Variants in PDE4D observed in about 807,000 individuals in gnomAD.
PDE4D encodes phosphodiesterase 4D.
In PDE4D, 24 loss-of-function variants were observed where a neutral mutation model predicts 87.4. The observed-to-expected ratio is 0.27, with a 90% CI of 0.20 to 0.39. The LOEUF is 0.39. Ranked by LOEUF, PDE4D falls within the 10% of genes least tolerant of loss-of-function variation. The pLI, the probability that PDE4D is intolerant of heterozygous loss-of-function variation, is 1.00. For synonymous variants in PDE4D, 384 were observed against 383.2 expected, an observed-to-expected ratio of 1.00 and a Z score of -0.02; for missense variants, 714 against 1,041.0, an observed-to-expected ratio of 0.69 and a Z score of 4.32.
intron 5 of PDE4D, among the ~76,000 whole-genome samples, chr5:59,094,758 A>T (rs1769382828): frequency 6.6e-6 from 1 of 152,198 alleles, no homozygotes; most frequent in African/African-American, 2.4e-5. Context: ...AGACAAAAAA[A>T]GGTTTAAACA....
chr5:59,819,208 GT>G (rs1386448694), intron 1 of PDE4D, among the ~76,000 whole-genome samples: 1 of 152,186 alleles, frequency 6.6e-6, no homozygotes, highest in Non-Finnish European at 1.5e-5. Context: ...AAGTGAAATT[GT>G]TTTGAATCTG....
intron 1 of PDE4D, chr5:60,188,528 GGAA>G (rs1358048755): frequency 5.9e-5 from 9 of 152,178 alleles, no homozygotes; most frequent in African/African-American, 2.2e-4. Context: ...GGGCAAAGGA[GGAA>G]GAAGTACATC....
intron 2 of PDE4D, among the ~76,000 whole-genome samples, chr5:60,174,517 T>C (rs890981187): frequency 8.6e-5 from 13 of 151,944 alleles, no homozygotes; most frequent in Admixed American, 7.2e-4. Flanking sequence ...TGGTCTTGAA[T>C]AGAAGAAACA....
At chr5:60,305,842 C>T (rs1437877867) in intron 1 of PDE4D, among the ~76,000 whole-genome samples, 1 of 151,810 alleles carries the variant, frequency 6.6e-6, no homozygotes, top group Non-Finnish European at 1.5e-5. Flanking sequence ...TACACACACA[C>T]ACATAGTTAT....
At chr5:59,527,204 T>C (rs887197338) in intron 1 of PDE4D, among the ~76,000 whole-genome samples, 1 of 152,206 alleles carries the variant, frequency 6.6e-6, no homozygotes, top group Non-Finnish European at 1.5e-5. Context: ...ATTTATCTTT[T>C]TCTGAGTATA....
chr5:59,423,318 A>G (rs939796629), intron 1 of PDE4D, among the ~76,000 whole-genome samples: 4 of 152,198 alleles, frequency 2.6e-5, no homozygotes, highest in African/African-American at 9.7e-5. Context: ...CCTTTTGAGC[A>G]GTTCTCACAA....
At chr5:59,808,357 T>C (rs1767971683) in intron 1 of PDE4D, among the ~76,000 whole-genome samples, 1 of 152,214 alleles carries the variant, frequency 6.6e-6, no homozygotes, top group South Asian at 2.1e-4. Context: ...TGACCCAATA[T>C]CTATTTTCTT....
intron 1 of PDE4D, among the ~76,000 whole-genome samples, chr5:59,309,522 C>A (rs1772144068): frequency 6.6e-6 from 1 of 152,164 alleles, no homozygotes; most frequent in Non-Finnish European, 1.5e-5. Flanking sequence ...TGCAAACAGA[C>A]CTTCAGCTTC....
intron 1 of PDE4D, among the ~76,000 whole-genome samples, chr5:59,260,545 T>A (rs559559859): frequency 2.6e-5 from 4 of 151,978 alleles, no homozygotes; most frequent in African/African-American, 9.6e-5. Context: ...TCCATCTTAT[T>A]GAAGTAAGTT....
chr5:60,158,905 T>C (rs184559867), intron 2 of PDE4D, among the ~76,000 whole-genome samples: 26 of 152,320 alleles, frequency 1.7e-4, no homozygotes, highest in African/African-American at 5.8e-4. Context: ...TTTTCTTTCT[T>C]CAATAATAAC....
chr5:60,518,150 T>G (rs152324), intron 1 of PDE4D, among the ~76,000 whole-genome samples: 111,253 of 152,218 alleles, frequency 0.73, 41,646 homozygotes, highest in African/African-American at 0.9. Context: ...CTGCCCTGCT[T>G]CAGCTGGCAT....
chr5:60,156,810 A>AT (rs535202681), intron 2 of PDE4D, among the ~76,000 whole-genome samples: 3 of 152,072 alleles, frequency 2.0e-5, no homozygotes, highest in East Asian at 3.9e-4. Flanking sequence ...TTTCATTAGC[A>AT]TTTTTTTCAT....
chr5:60,068,934 G>T (rs1015378397), intron 2 of PDE4D, among the ~76,000 whole-genome samples: 4 of 152,106 alleles, frequency 2.6e-5, no homozygotes, highest in African/African-American at 7.2e-5. Flanking sequence ...TGAAACCATT[G>T]CCAAGACCAA....
At chr5:59,571,194 A>G (rs1821788927) in intron 1 of PDE4D, among the ~76,000 whole-genome samples, 1 of 152,244 alleles carries the variant, frequency 6.6e-6, no homozygotes, top group African/African-American at 2.4e-5. Flanking sequence ...CGTAAAGCAC[A>G]TTTGCAATAG....
At chr5:59,390,755 G>A (rs753743119) in intron 1 of PDE4D, among the ~76,000 whole-genome samples, 4 of 151,852 alleles carry the variant, frequency 2.6e-5, no homozygotes, top group Admixed American at 6.6e-5. Context: ...TTTAAGAGGC[G>A]GCAAATAACA....
chr5:59,274,059 C>T (rs1206419983), intron 1 of PDE4D, among the ~76,000 whole-genome samples: 2 of 151,930 alleles, frequency 1.3e-5, no homozygotes, highest in Non-Finnish European at 2.9e-5. Flanking sequence ...TCTGTTTACT[C>T]ATGTTGGTGA....
At chr5:60,425,708 C>T (rs945678164) in intron 1 of PDE4D, among the ~76,000 whole-genome samples, 9 of 152,282 alleles carry the variant, frequency 5.9e-5, no homozygotes, top group South Asian at 2.1e-4. Flanking sequence ...TAAAGAGCTT[C>T]GGCATGGCAA....
chr5:60,230,470 G>A (rs1028269285), intron 1 of PDE4D, among the ~76,000 whole-genome samples: 35 of 152,118 alleles, frequency 2.3e-4, no homozygotes, highest in African/African-American at 5.8e-4. Flanking sequence ...CCCATATCCC[G>A]AGTGGGTGAA....
intron 1 of PDE4D, among the ~76,000 whole-genome samples, chr5:60,517,225 G>A (rs757179099): frequency 2.6e-5 from 4 of 152,244 alleles, no homozygotes; most frequent in African/African-American, 4.8e-5. Context: ...AAGGAGCATG[G>A]GAGGGGGGCC....
Sources: gnomAD v4.1 joint callset for allele counts (sites outside exome capture counted in the v4.1 genomes callset) on GRCh38, gnomAD v4.1.1 for gene constraint, MANE v1.5 for transcripts, NCBI Gene and HGNC (gene_info 2026-07-23, HGNC 2026-07-21) for gene names.